STK3: variants seen among roughly 807,000 people sequenced by gnomAD.
STK3 encodes serine/threonine-protein kinase 3.
Under a neutral mutation model 58.0 loss-of-function variants are expected in STK3, and 41 were observed. That is an observed-to-expected ratio of 0.71 (90% confidence interval 0.55 to 0.92). The LOEUF is 0.92. Ranked by LOEUF, STK3 falls within the 40% of genes least tolerant of loss-of-function variation. The pLI is 0.00. For missense variants in STK3, 479 were observed against 602.7 expected (o/e 0.79, Z 2.15); for synonymous variants, 170 against 191.0 (o/e 0.89, Z 0.91).
intron 3 of STK3, among the ~76,000 whole-genome samples, chr8:98,852,523 C>T (rs1836512455): frequency 6.6e-6 from 1 of 152,164 alleles, no homozygotes; most frequent in Non-Finnish European, 1.5e-5. Flanking sequence ...TCAATCTATC[C>T]CTATACCTAT....
chr8:98,782,657 T>A (rs937307689), intron 1 of STK3: 1 of 179,380 alleles, frequency 5.6e-6, no homozygotes. Flanking sequence ...CTGTACATAG[T>A]GGTCTTGGTG....
chr8:98,733,490 T>G (rs1828355999), intron 4 of STK3, among the ~76,000 whole-genome samples: 1 of 152,232 alleles, frequency 6.6e-6, no homozygotes. Context: ...TATGAGAATC[T>G]AATACCTGAT....
chr8:98,679,980 T>C (rs1284351082), intron 6 of STK3, among the ~76,000 whole-genome samples: 1 of 152,218 alleles, frequency 6.6e-6, no homozygotes, highest in African/African-American at 2.4e-5. Flanking sequence ...CCTGAGATCA[T>C]ATTGCTGTTA....
chr8:98,883,399 CCAGAAGGAAAATA>C (rs1837868966), downstream of STK3: 1 of 393,968 alleles, frequency 2.5e-6, no homozygotes, highest in Admixed American at 3.6e-5. Flanking sequence ...GGCTGGCCTG[CCAGAAGGAAAATA>C]CAGCATATTA....
At chr8:98,713,506 C>T (rs1411568139) in intron 4 of STK3, among the ~76,000 whole-genome samples, 1 of 152,126 alleles carries the variant, frequency 6.6e-6, no homozygotes, top group African/African-American at 2.4e-5. Flanking sequence ...CACCTCTACG[C>T]AAATAAACTA....
intron 1 of STK3, among the ~76,000 whole-genome samples, chr8:98,811,125 G>C (rs986821898): frequency 6.6e-6 from 1 of 152,102 alleles, no homozygotes; most frequent in Non-Finnish European, 1.5e-5. Context: ...TAATACAATT[G>C]GTATCTGCCC....
intron 6 of STK3, among the ~76,000 whole-genome samples, chr8:98,614,372 T>C (rs1024752239): frequency 6.6e-6 from 1 of 151,324 alleles, no homozygotes; most frequent in African/African-American, 2.4e-5. Flanking sequence ...AGAGACATAA[T>C]AGGAAAATCA....
At chr8:98,712,080 G>C (rs200085183) in intron 4 of STK3, among the ~76,000 whole-genome samples, 1 of 152,064 alleles carries the variant, frequency 6.6e-6, no homozygotes, top group Non-Finnish European at 1.5e-5. Flanking sequence ...GACAAGCAAA[G>C]GCTGAGAGAT....
chr8:98,413,671 C>A, intron 3 of STK3: 1 of 925,884 alleles, frequency 1.1e-6, no homozygotes, highest in Non-Finnish European at 1.8e-6. Context: ...TTGAGGAACT[C>A]TACAGTGTGC....
intron 6 of STK3, among the ~76,000 whole-genome samples, chr8:98,614,843 C>T (rs1319055076): frequency 6.6e-6 from 1 of 152,130 alleles, no homozygotes; most frequent in Non-Finnish European, 1.5e-5. Flanking sequence ...TAGCACAAAG[C>T]AGTCTGAGAT....
intron 6 of STK3, among the ~76,000 whole-genome samples, chr8:98,619,525 G>A (rs1164741289): frequency 2.1e-4 from 28 of 136,012 alleles, no homozygotes; most frequent in Non-Finnish European, 3.3e-4. Context: ...AGAGTGAACA[G>A]GCAACCTACA....
At chr8:98,558,636 C>G (rs1761693776) in intron 8 of STK3, among the ~76,000 whole-genome samples, 1 of 151,928 alleles carries the variant, frequency 6.6e-6, no homozygotes, top group South Asian at 2.1e-4. Flanking sequence ...GTTCTTAGAA[C>G]AAATACAACT....
At chr8:98,384,083 C>T (rs1207203742) in intron 1 of STK3, among the ~76,000 whole-genome samples, 2 of 152,210 alleles carry the variant, frequency 1.3e-5, no homozygotes, top group Non-Finnish European at 2.9e-5. Context: ...AGCAAAAGAA[C>T]AGCAGGTGCA....
intron 6 of STK3, among the ~76,000 whole-genome samples, chr8:98,624,403 G>C (rs998296519): frequency 6.6e-6 from 1 of 152,110 alleles, no homozygotes; most frequent in Admixed American, 6.5e-5. Context: ...ACTCCTTTTA[G>C]AGTTGTTTTA....
At chr8:98,354,543 CCTACCTCTAG>C in the STK3 span, among the ~76,000 whole-genome samples, 1 of 152,170 alleles carries the variant, frequency 6.6e-6, no homozygotes, top group African/African-American at 2.4e-5. Context: ...CCTCAGGCTA[CCTACCTCTAG>C]ATTTGTGTGA....
chr8:98,930,891 T>C (rs953646581), intron 1 of STK3, among the ~76,000 whole-genome samples: 5 of 152,330 alleles, frequency 3.3e-5, no homozygotes, highest in Admixed American at 6.5e-5. Flanking sequence ...GGAATGTGAA[T>C]GTCATTCTGA....
chr8:98,514,855 C>T (rs1386011457), intron 10 of STK3, among the ~76,000 whole-genome samples: 2 of 152,122 alleles, frequency 1.3e-5, no homozygotes, highest in Non-Finnish European at 2.9e-5. Flanking sequence ...AAACTCTATA[C>T]ATCCATAACA....
At chr8:98,583,595 CT>C (rs1359682090) in intron 7 of STK3, among the ~76,000 whole-genome samples, 1 of 152,120 alleles carries the variant, frequency 6.6e-6, no homozygotes, top group African/African-American at 2.4e-5. Flanking sequence ...TTTCAATAAG[CT>C]CTTCTGTATC....
chr8:98,626,342 G>T (rs181615865), intron 6 of STK3, among the ~76,000 whole-genome samples: 1 of 152,324 alleles, frequency 6.6e-6, no homozygotes, highest in Admixed American at 6.5e-5. Context: ...ATGTTTCAGA[G>T]CAGGGATCAG....
Sources: allele counts gnomAD v4.1 joint callset (sites outside exome capture counted in the v4.1 genomes callset), GRCh38; gene constraint gnomAD v4.1.1; transcripts MANE v1.5; gene names NCBI Gene and HGNC (gene_info 2026-07-23, HGNC 2026-07-21).